ADAM10: variants seen among roughly 807,000 people sequenced by gnomAD.
ADAM10 encodes ADAM metallopeptidase domain 10.
A neutral mutation model predicts 90.1 loss-of-function variants in ADAM10; 17 were observed. That is an observed-to-expected ratio of 0.19 (90% confidence interval 0.13 to 0.28). ADAM10 has a LOEUF of 0.28. Ranked by LOEUF, ADAM10 falls within the 10% of genes least tolerant of loss-of-function variation. The pLI is 1.00. For synonymous variants in ADAM10, 310 were observed against 298.6 expected (o/e 1.04, Z -0.40); for missense variants, 610 against 914.3 (o/e 0.67, Z 4.29).
intron 2 of ADAM10, among the ~76,000 whole-genome samples, chr15:58,693,886 A>G (rs1238011328): frequency 6.6e-6 from 1 of 152,194 alleles, no homozygotes; most frequent in African/African-American, 2.4e-5. Context: ...TAAGACAACC[A>G]TTGAAAGACA....
chr15:58,703,559 C>A (rs1898190801), intron 2 of ADAM10, among the ~76,000 whole-genome samples: 1 of 151,944 alleles, frequency 6.6e-6, no homozygotes, highest in African/African-American at 2.4e-5. Context: ...ATGGATGAAC[C>A]CTGAAAACAT....
At chr15:58,738,400 T>C (rs910829346) in intron 1 of ADAM10, among the ~76,000 whole-genome samples, 6 of 152,232 alleles carry the variant, frequency 3.9e-5, no homozygotes, top group Admixed American at 2.6e-4. Flanking sequence ...TAAGTGCCTT[T>C]AATGCACTCT....
intron 6 of ADAM10, among the ~76,000 whole-genome samples, chr15:58,644,978 A>G (rs1395810156): frequency 6.6e-6 from 1 of 152,206 alleles, no homozygotes; most frequent in Non-Finnish European, 1.5e-5. Flanking sequence ...CTGACCCCCA[A>G]CTAAACTTTC....
intron 2 of ADAM10, among the ~76,000 whole-genome samples, chr15:58,696,034 T>A (rs1242101424): frequency 1.3e-5 from 2 of 152,170 alleles, no homozygotes; most frequent in African/African-American, 4.8e-5. Flanking sequence ...GAGAATCGCT[T>A]GAACCCAGGA....
At chr15:58,608,964 G>T (rs1378809405) in intron 14 of ADAM10, among the ~76,000 whole-genome samples, 2 of 151,952 alleles carry the variant, frequency 1.3e-5, no homozygotes, top group Non-Finnish European at 2.9e-5. Flanking sequence ...GTCTTCTACA[G>T]CAGACAAGTA....
At chr15:58,623,838 C>T (rs907764129) in intron 10 of ADAM10, among the ~76,000 whole-genome samples, 2 of 151,900 alleles carry the variant, frequency 1.3e-5, no homozygotes, top group Admixed American at 6.6e-5. Context: ...GGGGAGGGAG[C>T]GCATTAGGAC....
intron 5 of ADAM10, among the ~76,000 whole-genome samples, chr15:58,656,419 T>C (rs1053901681): frequency 1.3e-5 from 2 of 152,128 alleles, no homozygotes; most frequent in Non-Finnish European, 2.9e-5. Flanking sequence ...TTCCCTCTAG[T>C]GAAGCTGATT....
Position 58,640,767 on chromosome 15 carries a change from G to A in ADAM10, c.1012+10C>T, listed in dbSNP as rs1039957735. On this transcript the variant is annotated intron_variant, in intron 8 of 15. Coordinates refer to ENST00000260408, the MANE Select transcript of ADAM10 (RefSeq NM_001110.4). ...TAGTAAGTTAAGACATATTTAATAT[G>A]ATAAACTACCTGAAGGTGCTCCAAC... 1.2e-6 allele frequency: 2 copies of A among 1,612,550 alleles called. No individual in the cohort carries two copies. Among genetic ancestry groups the A allele is most frequent in the Admixed American group, 1.7e-5 (1 of 59,970 alleles).
intron 5 of ADAM10, 75 bp from the exon 6 acceptor site, chr15:58,646,279 T>C: frequency 2.1e-6 from 3 of 1,418,116 alleles, no homozygotes; most frequent in Non-Finnish European, 9.7e-7. Flanking sequence ...GAATACATAC[T>C]ATAAACAATT....
chr15:58,735,150 C>A (rs1257392565), intron 1 of ADAM10, among the ~76,000 whole-genome samples: 3 of 152,168 alleles, frequency 2.0e-5, no homozygotes, highest in African/African-American at 7.2e-5. Context: ...TGGCCTCTGA[C>A]CCACTCACCT....
chr15:58,624,919 C>T (rs1181570997), intron 10 of ADAM10, among the ~76,000 whole-genome samples: 2 of 152,088 alleles, frequency 1.3e-5, no homozygotes, highest in African/African-American at 4.8e-5. Flanking sequence ...TTAATACCTA[C>T]AAAGCAATAT....
chr15:58,594,163 T>G lies in ADAM10; in HGVS notation c.*3384A>C, dbSNP rs1397824210. The G allele has an allele frequency of 1.3e-5, 2 of 152,228 alleles. No homozygotes were observed. Among genetic ancestry groups the G allele is most frequent in the Non-Finnish European group, 2.9e-5 (2 of 68,038 alleles). The allele number at this position is 152,228 out of a possible 1,614,324, so 9.4% of individuals were successfully genotyped here. ...CTGGCAGCTGCTTTAAAACTACATC[T>G]GGCTTGCACCCTGGTTTTGGGAAAC... On this transcript the variant is annotated 3_prime_UTR_variant, in exon 16 of 16. Transcript: ENST00000260408.
At chr15:58,669,251 C>G (rs924098244) in intron 4 of ADAM10, among the ~76,000 whole-genome samples, 6 of 152,154 alleles carry the variant, frequency 3.9e-5, no homozygotes, top group African/African-American at 1.4e-4. Context: ...GGTCTCCCGG[C>G]AATCATCCAC....
intron 9 of ADAM10, among the ~76,000 whole-genome samples, chr15:58,632,550 G>A (rs1463202141): frequency 6.6e-6 from 1 of 152,122 alleles, no homozygotes; most frequent in African/African-American, 2.4e-5. Flanking sequence ...CACTGCCCCT[G>A]AAGCCTAAAA....
intron 1 of ADAM10, chr15:58,732,881 G>A (rs74017296): frequency 0.05 from 7,607 of 153,670 alleles, 657 homozygotes; most frequent in African/African-American, 0.17. Flanking sequence ...GTTCACACTG[G>A]AAAAGAGACT....
rs1333582393 is a variant in ADAM10, at chr15:58,749,571, G to C, written c.-37C>G. The C allele has an allele frequency of 7.1e-6, 11 of 1,548,758 alleles. No homozygotes were observed. The highest frequency in any genetic ancestry group is 9.6e-6 in the Non-Finnish European group (11 of 1,145,598). The stretch of plus-strand genomic sequence containing the variant: ...GCTGCCGCCGCCGCCGCCTCCTCAC[G>C]GGTTAACAGCAGCACATCGATCCGG... On this transcript the variant is annotated 5_prime_UTR_variant, in exon 1 of 16. Coordinates refer to ENST00000260408, the MANE Select transcript of ADAM10 (RefSeq NM_001110.4).
At chr15:58,647,387 C>T (rs1896580079) in intron 5 of ADAM10, among the ~76,000 whole-genome samples, 1 of 150,148 alleles carries the variant, frequency 6.7e-6, no homozygotes, top group Non-Finnish European at 1.5e-5. Context: ...CAGCCTCCGG[C>T]ATAGCTGGGA....
chr15:58,691,560 A>G (rs764671324), intron 2 of ADAM10: 5 of 523,864 alleles, frequency 9.5e-6, no homozygotes, highest in African/African-American at 1.9e-5. Flanking sequence ...TCGCCAGTTA[A>G]TAGAGTCCTC....
chr15:58,627,727 C>T lies in ADAM10; in HGVS notation c.1333G>A (p.Glu445Lys). ...ACAAAACAGTTGTTTCTCTTCTTCTCAAGAACTTGGCTTATATTTCTAATA... is the reference window on the plus strand; with the variant it reads ...ACAAAACAGTTGTTTCTCTTCTTCTTAAGAACTTGGCTTATATTTCTAATA... ...CSIRNISQVL[E>K]KKRNNCFVES... is the part of the protein sequence containing the mutation. Residue 445 changes from glutamate (E) to lysine (K), a missense_variant, in exon 10 of 16, where the codon GAG becomes AAG. This residue lies in a region of ADAM10 where 97 missense variants were observed against 221.4 expected (regional missense o/e 0.44). Transcript: ENST00000260408. The T allele has an allele frequency of 1.2e-6, 2 of 1,613,172 alleles. No individual in the cohort carries two copies. Among genetic ancestry groups the T allele is most frequent in the African/African-American group, 2.7e-5 (2 of 75,000 alleles).
Sources: allele counts gnomAD v4.1 joint callset (sites outside exome capture counted in the v4.1 genomes callset), GRCh38; gene constraint gnomAD v4.1.1; regional missense constraint gnomAD v4.1.1; transcripts MANE v1.5; gene names NCBI Gene and HGNC (gene_info 2026-07-23, HGNC 2026-07-21).